IGSF5: variants seen among roughly 807,000 people sequenced by gnomAD.
IGSF5 encodes the protein immunoglobulin superfamily member 5, also known as immunoglobulin superfamily 5 like.
IGSF5 carries 41 observed loss-of-function variants against 39.4 expected under a neutral mutation model. The observed-to-expected ratio is 1.04, with a 90% confidence interval of 0.81 to 1.35. The LOEUF is 1.35. Among genes scored for constraint, IGSF5 ranks in the 40% most tolerant of loss-of-function variants. IGSF5 has a pLI of 0.00. For synonymous variants in IGSF5, 183 were observed against 175.3 expected (o/e 1.04, Z -0.34); for missense variants, 487 against 494.6 (o/e 0.98, Z 0.15).
chr21:39,729,432 C>T, the IGSF5 span: 1 of 152,416 alleles, frequency 6.6e-6, no homozygotes. Context: ...GATGCGGTTG[C>T]CATAGAATCG....
At chr21:39,762,936 A>T (rs1162126899) in intron 2 of IGSF5, among the ~76,000 whole-genome samples, 1 of 152,144 alleles carries the variant, frequency 6.6e-6, no homozygotes, top group Non-Finnish European at 1.5e-5. Context: ...GATCTTTCCC[A>T]GTGCTCTGCC....
chr21:39,787,563 T>TC (rs1042069340), intron 5 of IGSF5, among the ~76,000 whole-genome samples: 5 of 151,144 alleles, frequency 3.3e-5, no homozygotes, highest in African/African-American at 1.2e-4. Context: ...TTTTTTTTTT[T>TC]TTTTTTTTGG....
At chr21:39,738,210 A>G in the IGSF5 span, among the ~76,000 whole-genome samples, 7 of 152,184 alleles carry the variant, frequency 4.6e-5, no homozygotes, top group Non-Finnish European at 8.8e-5. The surrounding 1 kb of genome is among the most constrained non-coding windows in gnomAD (Gnocchi z 6.4). Context: ...GGGAGGCCTC[A>G]TAATCATGAC....
the IGSF5 span, among the ~76,000 whole-genome samples, chr21:39,735,348 A>T: frequency 1.3e-5 from 2 of 152,204 alleles, no homozygotes; most frequent in Admixed American, 1.3e-4. Context: ...GTTAGTCATT[A>T]AAAATTCATA....
chr21:39,744,230 C>T (rs1299092001), upstream of IGSF5, among the ~76,000 whole-genome samples: 1 of 152,192 alleles, frequency 6.6e-6, no homozygotes, highest in Non-Finnish European at 1.5e-5. Flanking sequence ...CCAACATTGC[C>T]TTTGCGCTCA....
chr21:39,730,969 C>T, the IGSF5 span, among the ~76,000 whole-genome samples: 1 of 152,180 alleles, frequency 6.6e-6, no homozygotes, highest in East Asian at 1.9e-4. Flanking sequence ...TTTTAAAGGC[C>T]TCTCGCCTAT....
chr21:39,799,540 C>T (rs1305053986), intron 8 of IGSF5, among the ~76,000 whole-genome samples: 1 of 151,978 alleles, frequency 6.6e-6, no homozygotes, highest in Non-Finnish European at 1.5e-5. Context: ...ACTCCACAGA[C>T]ATGTATAGCA....
the IGSF5 span, among the ~76,000 whole-genome samples, chr21:39,723,347 A>G: frequency 3.9e-5 from 6 of 152,184 alleles, no homozygotes; most frequent in African/African-American, 1.4e-4. Flanking sequence ...CAACATGACT[A>G]TGTGCACCAT....
At chr21:39,741,722 T>A (rs538002882), upstream of IGSF5, among the ~76,000 whole-genome samples, 1 of 152,270 alleles carries the variant, frequency 6.6e-6, no homozygotes, top group Non-Finnish European at 1.5e-5. Context: ...GATCTTCAAA[T>A]GCAAACAAGA....
chr21:39,718,256 A>G, the IGSF5 span, among the ~76,000 whole-genome samples: 535 of 152,334 alleles, frequency 3.5e-3, 2 homozygotes, highest in African/African-American at 0.012. Flanking sequence ...GGCTGAAACT[A>G]TAGGGTTTTC....
At chr21:39,793,464 A>G (rs2086976996) in intron 7 of IGSF5, 70 bp from the exon 8 acceptor site, 2 of 1,185,954 alleles carry the variant, frequency 1.7e-6, no homozygotes, top group South Asian at 2.5e-5. Context: ...TTCTTTATAA[A>G]TCAGAATTGT....
intron 2 of IGSF5, among the ~76,000 whole-genome samples, chr21:39,763,434 G>A (rs2080070537): frequency 6.6e-6 from 1 of 152,170 alleles, no homozygotes; most frequent in South Asian, 2.1e-4. Context: ...ATTTGGTGTA[G>A]CTCCCTCCTC....
chr21:39,801,522 G>A lies in IGSF5; in HGVS notation c.*165G>A, dbSNP rs1012511633. 13 of 475,700 alleles carry A rather than the reference G, an allele frequency of 2.7e-5. No individual in the cohort carries two copies. Among genetic ancestry groups the A allele is most frequent in the Admixed American group, 1.0e-4 (3 of 28,664 alleles). The allele number at this position is 475,700 out of a possible 1,614,324, so 29.5% of individuals were successfully genotyped here. ...ATACTTGACAGTGAGAGAAGGAATC[G>A]ATTTTCCCAGAGTTCAAAGTAGAAT... On this transcript the variant is annotated 3_prime_UTR_variant, in exon 9 of 9. Transcript: ENST00000380588.
intron 4 of IGSF5, among the ~76,000 whole-genome samples, 199 bp downstream of exon 4, chr21:39,771,414 G>GT (rs1012562632): frequency 7.9e-5 from 12 of 152,056 alleles, no homozygotes; most frequent in African/African-American, 2.9e-4. Flanking sequence ...CCATCTTAAA[G>GT]TTTTTTTTCT....
intron 6 of IGSF5, 64 bp from the exon 7 acceptor site, chr21:39,791,944 C>A: frequency 9.3e-7 from 1 of 1,073,214 alleles, no homozygotes; most frequent in Non-Finnish European, 1.4e-6. Context: ...GTATCCATTG[C>A]CAATTAACAT....
chr21:39,798,431 C>T (rs7276522), intron 8 of IGSF5, among the ~76,000 whole-genome samples: 9 of 152,116 alleles, frequency 5.9e-5, no homozygotes, highest in African/African-American at 1.7e-4. Flanking sequence ...GCTGTATTTC[C>T]GCAAGTAGAG....
the IGSF5 span, chr21:39,730,746 C>T: frequency 6.6e-6 from 1 of 152,172 alleles, no homozygotes; most frequent in South Asian, 2.1e-4. Flanking sequence ...TAATAATGTT[C>T]CGAAGGCAAT....
At chr21:39,780,990 A>C (rs2080167119) in intron 5 of IGSF5, among the ~76,000 whole-genome samples, 2 of 152,284 alleles carry the variant, frequency 1.3e-5, no homozygotes, top group South Asian at 4.1e-4. Flanking sequence ...AGTTTTATTA[A>C]CACTAACTGC....
chr21:39,720,856 CT>C, the IGSF5 span, among the ~76,000 whole-genome samples: 1 of 152,120 alleles, frequency 6.6e-6, no homozygotes, highest in African/African-American at 2.4e-5. Context: ...GATCATATTA[CT>C]TTTTTTGTGA....
Sources: allele counts gnomAD v4.1 joint callset (sites outside exome capture counted in the v4.1 genomes callset), GRCh38; gene constraint gnomAD v4.1.1; non-coding constraint Gnocchi (gnomAD v3.1); transcripts MANE v1.5; gene names NCBI Gene and HGNC (gene_info 2026-07-23, HGNC 2026-07-21).